CCDC169: variants seen among roughly 807,000 people sequenced by gnomAD.
CCDC169 encodes the protein coiled-coil domain-containing protein 169.
Under a neutral mutation model 36.0 loss-of-function variants are expected in CCDC169, and 30 were observed. The ratio of observed to expected loss-of-function variants is 0.83; its 90% CI spans 0.62 to 1.13. CCDC169 has a LOEUF of 1.13. CCDC169 is among the 50% of genes most tolerant of loss of function. The pLI is 0.00. For synonymous variants in CCDC169, 85 were observed against 81.5 expected (o/e 1.04, Z -0.23); for missense variants, 245 against 245.9 (o/e 1.00, Z 0.03).
At chr13:36,280,790 C>A (rs552205134) in intron 4 of CCDC169, 2 of 152,258 alleles carry the variant, frequency 1.3e-5, no homozygotes, top group East Asian at 3.9e-4. Flanking sequence ...ACATGTTGAA[C>A]GAATATGTAT....
chr13:36,226,839 G>T, downstream of CCDC169: 1 of 307,160 alleles, frequency 3.3e-6, no homozygotes, highest in Non-Finnish European at 5.9e-6. Context: ...ATAACTTTCG[G>T]CTACTATGCT....
chr13:36,264,014 T>C (rs963627244), intron 4 of CCDC169, among the ~76,000 whole-genome samples: 10 of 152,194 alleles, frequency 6.6e-5, no homozygotes, highest in Admixed American at 6.5e-4. Flanking sequence ...CATTTATAGA[T>C]GTAAAATGAA....
In CCDC169 at chr13:36,231,271, C is replaced by T. The variant is rs2138376546; in HGVS notation, c.567G>A (p.Lys189=). 1 of 1,551,308 alleles carries T rather than the reference C, an allele frequency of 6.4e-7. No individual in the cohort carries two copies. Among genetic ancestry groups the T allele is most frequent in the East Asian group, 2.4e-5 (1 of 40,896 alleles). ...CTCTCTTGGCACTCACTGTCTTCTGCTTAGCTGGATTATATCTTCCACTGA... is the reference window on the plus strand; with the variant it reads ...CTCTCTTGGCACTCACTGTCTTCTGTTTAGCTGGATTATATCTTCCACTGA... The part of the protein sequence containing the change: ...LVKTGRYNPA[K]QKTVSAKRGP... The change falls in exon 8 of 8, where the codon AAG becomes AAA. Residue 189 remains lysine, a synonymous_variant. Coordinates refer to ENST00000239859, the MANE Select transcript of CCDC169 (RefSeq NM_001144981.3).
At chr13:36,272,836 C>T (rs1289204245) in intron 4 of CCDC169, among the ~76,000 whole-genome samples, 2 of 152,160 alleles carry the variant, frequency 1.3e-5, no homozygotes, top group African/African-American at 4.8e-5. Flanking sequence ...AAATAGACTC[C>T]TAACTGAAGG....
chr13:36,297,379 A>C (rs1422605834), intron 1 of CCDC169, among the ~76,000 whole-genome samples: 5 of 152,170 alleles, frequency 3.3e-5, no homozygotes, highest in African/African-American at 1.2e-4. Context: ...ATATGGGCAA[A>C]ATACACGCCA....
chr13:36,243,370 C>A (rs9546853), intron 7 of CCDC169, among the ~76,000 whole-genome samples: 1 of 151,538 alleles, frequency 6.6e-6, no homozygotes, highest in South Asian at 2.1e-4. Flanking sequence ...AATGGTGGCA[C>A]ACACCTGTAA....
At chr13:36,289,793 G>A (rs1404448997) in intron 2 of CCDC169, among the ~76,000 whole-genome samples, 1 of 151,998 alleles carries the variant, frequency 6.6e-6, no homozygotes, top group East Asian at 1.9e-4. Flanking sequence ...TAATCATTTT[G>A]GTTAAATTAG....
chr13:36,266,005 C>T (rs1028449335), intron 4 of CCDC169, among the ~76,000 whole-genome samples: 2 of 152,068 alleles, frequency 1.3e-5, no homozygotes, highest in African/African-American at 2.4e-5. Flanking sequence ...GCCAGAGGTC[C>T]GTTTTGGGAG....
chr13:36,233,222 C>T (rs1870648601), intron 7 of CCDC169, among the ~76,000 whole-genome samples: 1 of 122,156 alleles, frequency 8.2e-6, no homozygotes, highest in East Asian at 2.4e-4. Context: ...GCTAACTCAG[C>T]AGAGACTTCA....
chr13:36,267,386 G>A (rs895805212), intron 4 of CCDC169: 1 of 152,100 alleles, frequency 6.6e-6, no homozygotes, highest in Non-Finnish European at 1.5e-5. Context: ...GAGAAATAAA[G>A]TCATTTTCAG....
At chr13:36,246,889 A>C (rs187780104) in intron 7 of CCDC169, among the ~76,000 whole-genome samples, 2 of 152,174 alleles carry the variant, frequency 1.3e-5, no homozygotes, top group Non-Finnish European at 2.9e-5. Context: ...CTTTTAAAAA[A>C]ATATATATGG....
chr13:36,256,277 T>C (rs1873874232), intron 4 of CCDC169, among the ~76,000 whole-genome samples: 1 of 152,196 alleles, frequency 6.6e-6, no homozygotes, highest in Non-Finnish European at 1.5e-5. Context: ...CATGCTGCTA[T>C]GAAGAAATAC....
intron 4 of CCDC169, among the ~76,000 whole-genome samples, chr13:36,259,431 G>A (rs932834576): frequency 4.6e-5 from 7 of 152,214 alleles, no homozygotes; most frequent in African/African-American, 1.7e-4. Flanking sequence ...GGACGACAGC[G>A]ACATACATTT....
At chr13:36,227,178 G>T, downstream of CCDC169, 1 of 1,410,638 alleles carries the variant, frequency 7.1e-7, no homozygotes, top group Non-Finnish European at 9.6e-7. Context: ...TGGGGGTGGT[G>T]CACATGTCTG....
In CCDC169 at chr13:36,230,956, A is replaced by G; in HGVS notation, c.*237T>C. ...AGCAAGTGTAATGATGCCAGCCTTCAGATTCCCTAGGATATTTTAAAACTC... is the reference window on the plus strand; with the variant it reads ...AGCAAGTGTAATGATGCCAGCCTTCGGATTCCCTAGGATATTTTAAAACTC... On this transcript the variant is annotated 3_prime_UTR_variant, in exon 8 of 8. Coordinates refer to ENST00000239859, the MANE Select transcript of CCDC169 (RefSeq NM_001144981.3). 4.9e-6 allele frequency: 6 copies of G among 1,221,544 alleles called. No individual in the cohort carries two copies. In the South Asian group the frequency reaches 1.0e-4, roughly 21 times the overall value. 75.7% of individuals were successfully genotyped at this position (1,221,544 alleles called of 1,614,324 possible).
chr13:36,292,398 T>G (rs1463399372), intron 2 of CCDC169, among the ~76,000 whole-genome samples: 2 of 152,238 alleles, frequency 1.3e-5, no homozygotes, highest in African/African-American at 4.8e-5. Context: ...ACACAAATAC[T>G]AATTCTTCTT....
chr13:36,287,764 A>T (rs971058561), intron 2 of CCDC169, among the ~76,000 whole-genome samples: 1 of 152,196 alleles, frequency 6.6e-6, no homozygotes, highest in African/African-American at 2.4e-5. Flanking sequence ...TTATATTTGT[A>T]TCAGTGTGTA....
chr13:36,235,712 T>G (rs1417971778), intron 7 of CCDC169, among the ~76,000 whole-genome samples: 1 of 151,594 alleles, frequency 6.6e-6, no homozygotes, highest in African/African-American at 2.4e-5. Flanking sequence ...TTAGGTGACA[T>G]GTTCTTATAT....
At chr13:36,274,565 T>C (rs182483481) in intron 4 of CCDC169, 2 of 152,278 alleles carry the variant, frequency 1.3e-5, no homozygotes, top group Admixed American at 1.3e-4. Context: ...AAACTGAAAA[T>C]TCTACTAGAT....
Sources: gnomAD v4.1 joint callset for allele counts (sites outside exome capture counted in the v4.1 genomes callset) on GRCh38, gnomAD v4.1.1 for gene constraint, MANE v1.5 for transcripts, NCBI Gene and HGNC (gene_info 2026-07-23, HGNC 2026-07-21) for gene names.